Variants in TEAD1 observed in about 807,000 individuals in gnomAD.
TEAD1 encodes TEA domain transcription factor 1, also known as transcriptional enhancer factor TEF-1.
A neutral mutation model predicts 54.9 loss-of-function variants in TEAD1; 9 were observed. The ratio of observed to expected loss-of-function variants is 0.16; its 90% CI spans 0.10 to 0.29. The LOEUF (loss-of-function observed/expected upper bound fraction) is 0.29, where lower values mean the gene tolerates loss of function less well. Among genes scored for constraint, TEAD1 ranks in the 10% least tolerant of loss-of-function variants. The pLI is 1.00. For synonymous variants in TEAD1, 200 were observed against 187.8 expected (o/e 1.07, Z -0.53); for missense variants, 387 against 535.9 (o/e 0.72, Z 2.74).
At chr11:12,760,905 A>G (rs907800843) in intron 2 of TEAD1, among the ~76,000 whole-genome samples, 9 of 152,154 alleles carry the variant, frequency 5.9e-5, no homozygotes, top group African/African-American at 2.2e-4. Flanking sequence ...TTCTCTGCCC[A>G]TATGTAAAGT....
At chr11:12,711,424 A>G (rs557329035) in intron 2 of TEAD1, among the ~76,000 whole-genome samples, 1 of 152,320 alleles carries the variant, frequency 6.6e-6, no homozygotes, top group Non-Finnish European at 1.5e-5. Flanking sequence ...TCCTGAGGTC[A>G]AACCCTGGTC....
intron 3 of TEAD1, among the ~76,000 whole-genome samples, chr11:12,824,464 C>T (rs746829926): frequency 6.6e-6 from 1 of 152,226 alleles, no homozygotes; most frequent in African/African-American, 2.4e-5. Flanking sequence ...TCTAAACTTT[C>T]ACCTTTCAGA....
chr11:12,696,829 C>T (rs1943594538), intron 2 of TEAD1, among the ~76,000 whole-genome samples: 1 of 152,036 alleles, frequency 6.6e-6, no homozygotes, highest in Non-Finnish European at 1.5e-5. Context: ...CTCCCCTCAG[C>T]AGATAGAGCT....
At position 12,836,843 on chromosome 11, in the gene TEAD1, A is replaced by T. The variant is rs911145065; in HGVS notation, c.203-25407A>T. 2.6e-5 allele frequency among the ~76,000 whole-genome samples: 4 copies of T among 152,296 alleles called. No homozygotes were observed. The East Asian group carries it at 5.8e-4, about 22-fold the overall frequency. Reference sequence around the variant, plus strand: ...TTAGCAGGGTAAAAGTCGGAGAGTAATGGTACATTTGTCATAACAAGAAAA... The same window carrying T: ...TTAGCAGGGTAAAAGTCGGAGAGTATTGGTACATTTGTCATAACAAGAAAA... On this transcript the variant is annotated intron_variant, in intron 3 of 12. Transcript: ENST00000527636.
chr11:12,760,253 C>G (rs911919341), intron 2 of TEAD1, among the ~76,000 whole-genome samples: 1 of 152,200 alleles, frequency 6.6e-6, no homozygotes, highest in African/African-American at 2.4e-5. Context: ...CTTACTAAAT[C>G]TTTATGGCAA....
At chr11:12,891,769 A>G (rs556247061) in intron 9 of TEAD1, among the ~76,000 whole-genome samples, 51 of 152,330 alleles carry the variant, frequency 3.3e-4, no homozygotes, top group African/African-American at 1.1e-3. Flanking sequence ...AGAAAATGAC[A>G]CTTACCCCAC....
At chr11:12,849,445 TTTTAAAAATGTTATTCCTTC>T (rs1947223578) in intron 3 of TEAD1, 1 of 152,234 alleles carries the variant, frequency 6.6e-6, no homozygotes, top group Non-Finnish European at 1.5e-5. Flanking sequence ...TTTGAGTTCA[TTTTAAAAATGTTATTCCTTC>T]TCATCATGCT....
rs1019971274 is a variant in TEAD1, at chr11:12,941,986, A to G, written c.*4764A>G. The stretch of plus-strand genomic sequence containing the variant: ...AACAAAACAAGCAAAAATTGTCTTC[A>G]TTTTTGTTTTGTAAGCCCATTTTTT... On this transcript the variant is annotated 3_prime_UTR_variant, in exon 13 of 13. Transcript: ENST00000527636. 9.2e-5 allele frequency: 14 copies of G among 152,730 alleles called. No individual in the cohort carries two copies. In the East Asian group the frequency reaches 2.1e-3, roughly 23 times the overall value. 9.5% of individuals were successfully genotyped at this position (152,730 alleles called of 1,614,324 possible).
intron 10 of TEAD1, among the ~76,000 whole-genome samples, chr11:12,916,247 C>A (rs1347108749): frequency 6.6e-6 from 1 of 151,956 alleles, no homozygotes; most frequent in East Asian, 1.9e-4. Context: ...TACGTAAGAC[C>A]CGTCATAAAC....
chr11:12,865,796 T>C (rs1193728895), intron 5 of TEAD1, among the ~76,000 whole-genome samples: 2 of 152,218 alleles, frequency 1.3e-5, no homozygotes, highest in Non-Finnish European at 2.9e-5. Flanking sequence ...AGATTATAGT[T>C]TGCAAGGAGG....
At chr11:12,675,774 A>G (rs1161952585) in intron 2 of TEAD1, among the ~76,000 whole-genome samples, 1 of 152,272 alleles carries the variant, frequency 6.6e-6, no homozygotes, top group Non-Finnish European at 1.5e-5. Flanking sequence ...CAATATTTTT[A>G]ATGAGTCGAA....
At position 12,692,660 on chromosome 11, in the gene TEAD1, A is replaced by T. The variant is rs564534304; in HGVS notation, c.-55+17099A>T. Among the ~76,000 whole-genome samples, 6 of 152,290 alleles carry T rather than the reference A, an allele frequency of 3.9e-5. No homozygotes were observed. The South Asian group carries it at 1.2e-3, about 32-fold the overall frequency. On this transcript the variant is annotated intron_variant, in intron 2 of 12. Coordinates refer to ENST00000527636, the MANE Select transcript of TEAD1 (RefSeq NM_021961.6). ...GGAAGAGCCCCGTAATTCACAAGGC[A>T]GGCTTCTGTGCCCCGCGGTAAACTC...
At chr11:12,709,954 A>G (rs988270843) in intron 2 of TEAD1, among the ~76,000 whole-genome samples, 11 of 152,056 alleles carry the variant, frequency 7.2e-5, no homozygotes, top group African/African-American at 2.4e-4. Flanking sequence ...TAAAAGTCCT[A>G]CAACATCTTT....
intron 2 of TEAD1, among the ~76,000 whole-genome samples, chr11:12,729,362 G>A (rs1944375483): frequency 6.6e-6 from 1 of 152,160 alleles, no homozygotes; most frequent in African/African-American, 2.4e-5. Context: ...TCATTCAGTG[G>A]ATCTGGGACA....
chr11:12,706,136 G>A (rs1056526602), intron 2 of TEAD1, among the ~76,000 whole-genome samples: 7 of 152,204 alleles, frequency 4.6e-5, no homozygotes, highest in African/African-American at 1.7e-4. Flanking sequence ...GCGTAAATAT[G>A]TTCCAGAGCC....
chr11:12,880,802 C>T (rs181431371), intron 6 of TEAD1, among the ~76,000 whole-genome samples: 342 of 152,234 alleles, frequency 2.2e-3, no homozygotes, highest in Non-Finnish European at 3.6e-3. Context: ...AGGAAGGAGG[C>T]GCTAAGGGGA....
At chr11:12,833,715 C>T (rs1946827769) in intron 3 of TEAD1, among the ~76,000 whole-genome samples, 1 of 151,958 alleles carries the variant, frequency 6.6e-6, no homozygotes, top group African/African-American at 2.4e-5. Context: ...TTTATTCTTC[C>T]TTCCCATTTG....
At chr11:12,836,171 A>T (rs1564957668) in intron 3 of TEAD1, among the ~76,000 whole-genome samples, 1 of 152,210 alleles carries the variant, frequency 6.6e-6, no homozygotes, top group Non-Finnish European at 1.5e-5. Context: ...CTGTAATCCC[A>T]GCGCTTCAGG....
At position 12,937,123 on chromosome 11, in the gene TEAD1, G is replaced by C; in HGVS notation, c.1182G>C (p.Arg394Ser). The change falls in exon 13 of 13, where the codon AGG (arginine) becomes AGC (serine). Residue 394 changes from arginine (R) to serine (S), a missense_variant. Transcript: ENST00000527636. ...TATCTTAACAGGTGGTAACAAACAG[G>C]GATACACAAGAAACTCTACTCTGCA... is the stretch of plus-strand genomic sequence containing the variant. The C allele has an allele frequency of 1.2e-6, 2 of 1,613,212 alleles. No individual in the cohort carries two copies. Among genetic ancestry groups the C allele is most frequent in the Non-Finnish European group, 1.7e-6 (2 of 1,179,526 alleles).
Sources: allele counts gnomAD v4.1 joint callset (sites outside exome capture counted in the v4.1 genomes callset), GRCh38; gene constraint gnomAD v4.1.1; transcripts MANE v1.5; gene names NCBI Gene and HGNC (gene_info 2026-07-23, HGNC 2026-07-21).